The following COL24A1 variants were observed in gnomAD, a reference collection of about 807,000 sequenced individuals.
The protein encoded by COL24A1 is collagen alpha-1(XXIV) chain.
In COL24A1, 224 loss-of-function variants were observed where a neutral mutation model predicts 253.9. The ratio of observed to expected loss-of-function variants is 0.88; its 90% CI spans 0.79 to 0.99. The LOEUF (loss-of-function observed/expected upper bound fraction) is 0.99. Among genes scored for constraint, COL24A1 ranks in the 50% least tolerant of loss-of-function variants. COL24A1 has a pLI of 0.00. For missense variants in COL24A1, 2,131 were observed against 2,068.5 expected, an observed-to-expected ratio of 1.03 and a Z score of -0.59; for synonymous variants, 685 against 673.7, an observed-to-expected ratio of 1.02 and a Z score of -0.26.
At chr1:86,082,993 C>T (rs1358587104) in intron 7 of COL24A1, among the ~76,000 whole-genome samples, 1 of 151,906 alleles carries the variant, frequency 6.6e-6, no homozygotes, top group East Asian at 1.9e-4. Context: ...GATGCTCAGT[C>T]TGAATTTTAA....
rs560994027 is a variant in COL24A1, at chr1:85,997,545, G to T, written c.2311-9891C>A. Among the ~76,000 whole-genome samples the T allele has an allele frequency of 2.2e-3, 335 of 152,192 alleles. 1 individual carries two copies. Among genetic ancestry groups the T allele is most frequent in the South Asian group, 0.018 (85 of 4,816 alleles). On this transcript the variant is annotated intron_variant, in intron 19 of 59. Coordinates refer to ENST00000370571, the MANE Select transcript of COL24A1 (RefSeq NM_152890.7). ...CACACCTGTAATCCCAGCACTTTGG[G>T]AGGCCAACTTGGGTGGATCACAAGG...
At chr1:86,117,543 G>A (rs924425868) in intron 3 of COL24A1, among the ~76,000 whole-genome samples, 1 of 152,088 alleles carries the variant, frequency 6.6e-6, no homozygotes, top group African/African-American at 2.4e-5. Flanking sequence ...ATTAGATACT[G>A]GGGGGAAAAA....
intron 47 of COL24A1, among the ~76,000 whole-genome samples, chr1:85,807,012 C>T (rs1044587322): frequency 1.3e-5 from 2 of 152,190 alleles, no homozygotes; most frequent in Non-Finnish European, 1.5e-5. Flanking sequence ...AAGAGAAGAA[C>T]TCCAAGACAA....
At chr1:85,896,190 A>G in intron 29 of COL24A1, 125 bp from the exon 30 acceptor site, 1 of 1,204,240 alleles carries the variant, frequency 8.3e-7, no homozygotes, top group South Asian at 1.4e-5. Flanking sequence ...TATTGAAAAG[A>G]AAACATCTCT....
chr1:85,828,082 C>A (rs1415559371), intron 43 of COL24A1, among the ~76,000 whole-genome samples: 6 of 152,090 alleles, frequency 3.9e-5, no homozygotes, highest in Non-Finnish European at 5.9e-5. Flanking sequence ...TCCCTCTACA[C>A]ACTGCTTTGA....
At chr1:85,778,468 A>G (rs1668820785) in intron 52 of COL24A1, among the ~76,000 whole-genome samples, 1 of 152,086 alleles carries the variant, frequency 6.6e-6, no homozygotes, top group Non-Finnish European at 1.5e-5. Context: ...AATCAATAGT[A>G]CTTTTAAACT....
chr1:85,805,161 G>T (rs1038889110), intron 47 of COL24A1, among the ~76,000 whole-genome samples: 2 of 152,256 alleles, frequency 1.3e-5, no homozygotes, highest in Non-Finnish European at 2.9e-5. Context: ...TCTTAATGAA[G>T]AAATTTTAGA....
intron 47 of COL24A1, among the ~76,000 whole-genome samples, chr1:85,793,281 T>C (rs1223538975): frequency 6.6e-6 from 1 of 152,136 alleles, no homozygotes; most frequent in Non-Finnish European, 1.5e-5. Context: ...ACATATAGGA[T>C]ATAGGTTCAT....
intron 55 of COL24A1, among the ~76,000 whole-genome samples, chr1:85,748,662 G>T (rs1345177671): frequency 1.4e-5 from 2 of 144,798 alleles, no homozygotes. Context: ...GTGGGCGCAG[G>T]CCAGTGTGTG....
chr1:86,001,469 T>C (rs1173235933), intron 19 of COL24A1, among the ~76,000 whole-genome samples: 3 of 152,246 alleles, frequency 2.0e-5, no homozygotes, highest in Non-Finnish European at 4.4e-5. Flanking sequence ...TGAAAGTTTC[T>C]AGTCATCCAT....
intron 52 of COL24A1, among the ~76,000 whole-genome samples, chr1:85,777,069 C>T (rs1234582621): frequency 1.3e-5 from 2 of 151,980 alleles, no homozygotes; most frequent in Non-Finnish European, 2.9e-5. Context: ...CCTGCCCCAG[C>T]CTCCTGAGTA....
At chr1:85,835,135 T>A (rs577183436) in intron 43 of COL24A1, among the ~76,000 whole-genome samples, 27 of 151,938 alleles carry the variant, frequency 1.8e-4, no homozygotes, top group Middle Eastern at 3.4e-3. Context: ...ATATATATAT[T>A]TTTTAGATGG....
At chr1:86,049,645 G>C (rs1700158887) in intron 11 of COL24A1, among the ~76,000 whole-genome samples, 1 of 152,026 alleles carries the variant, frequency 6.6e-6, no homozygotes, top group Non-Finnish European at 1.5e-5. Context: ...AATCTTTTTA[G>C]TATAACAAAC....
At chr1:85,788,653 A>G (rs1000817765) in intron 47 of COL24A1, among the ~76,000 whole-genome samples, 1 of 152,152 alleles carries the variant, frequency 6.6e-6, no homozygotes, top group African/African-American at 2.4e-5. Context: ...TAAGTCCTGA[A>G]TAGTATTGCC....
intron 35 of COL24A1, among the ~76,000 whole-genome samples, chr1:85,869,720 C>T (rs763220575): frequency 3.9e-5 from 6 of 152,158 alleles, no homozygotes; most frequent in Non-Finnish European, 8.8e-5. Flanking sequence ...AAAGGAACAA[C>T]CAGGACCAGC....
At chr1:86,059,291 T>C (rs1477712660) in intron 8 of COL24A1, 117 bp from the exon 9 acceptor site, 1 of 594,566 alleles carries the variant, frequency 1.7e-6, no homozygotes, top group East Asian at 3.3e-5. Context: ...GTCCTACACA[T>C]GGCTTATGTA....
chr1:85,756,170 A>T (rs554528859), intron 55 of COL24A1, among the ~76,000 whole-genome samples: 16 of 151,908 alleles, frequency 1.1e-4, no homozygotes, highest in African/African-American at 3.9e-4. Context: ...CTGTAATCCC[A>T]GTACTTTGGG....
intron 3 of COL24A1, among the ~76,000 whole-genome samples, chr1:86,118,715 TTA>T (rs1706404453): frequency 6.6e-6 from 1 of 152,070 alleles, no homozygotes; most frequent in Non-Finnish European, 1.5e-5. Context: ...TGGACCTAAT[TTA>T]TATTGTGATG....
rs10493784 is a variant in COL24A1, at chr1:86,124,895, T to G, written c.1441A>C (p.Met481Leu). ...CCTCTCAGATACTCCATTTCAAGCATTGTATTTAGATCCTCATAATAATAA... is the reference window on the plus strand; with the variant it reads ...CCTCTCAGATACTCCATTTCAAGCAGTGTATTTAGATCCTCATAATAATAA... ...DYYYYEDLNTMLEMEYLRGPK... is the reference protein window; with the variant it reads ...DYYYYEDLNTLLEMEYLRGPK... Residue 481 changes from methionine (M) to leucine (L), a missense_variant, in exon 3 of 60, where the codon ATG becomes CTG. By Grantham distance (15) the Met-to-Leu change is conservative (BLOSUM62 2). Coordinates refer to ENST00000370571, the MANE Select transcript of COL24A1 (RefSeq NM_152890.7). 8.5e-3 allele frequency: 13,582 copies of G among 1,605,436 alleles called. 1,010 individuals are homozygous for G. In the African/African-American group the frequency reaches 0.16, roughly 19 times the overall value.
Sources: allele counts gnomAD v4.1 joint callset (sites outside exome capture counted in the v4.1 genomes callset), GRCh38; gene constraint gnomAD v4.1.1; transcripts MANE v1.5; gene names NCBI Gene and HGNC (gene_info 2026-07-23, HGNC 2026-07-21).